USP13: variants seen among roughly 807,000 people sequenced by gnomAD.
USP13 encodes the protein ubiquitin specific peptidase 13, also known as ubiquitin carboxyl-terminal hydrolase 13.
USP13 carries 68 observed loss-of-function variants against 107.8 expected under a neutral mutation model. That is an observed-to-expected ratio of 0.63 (90% CI 0.52 to 0.77). The LOEUF is 0.77. USP13 is among the 30% of genes least tolerant of loss of function. The probability of loss-of-function intolerance (pLI) is 0.00; values close to 1 mark genes in which losing one functional copy is unlikely to be tolerated. For missense variants in USP13, 945 were observed against 1,093.3 expected (o/e 0.86, Z 1.91); for synonymous variants, 377 against 389.5 (o/e 0.97, Z 0.38).
At chr3:179,668,009 A>C (rs898191790) in intron 1 of USP13, among the ~76,000 whole-genome samples, 19 of 152,108 alleles carry the variant, frequency 1.2e-4, no homozygotes, top group African/African-American at 4.6e-4. Context: ...CAGTAAGTTT[A>C]TAGTGTAGTC....
chr3:179,707,601 G>T (rs900899809), intron 5 of USP13, among the ~76,000 whole-genome samples: 1 of 151,998 alleles, frequency 6.6e-6, no homozygotes, highest in African/African-American at 2.4e-5. Flanking sequence ...CACTTCCCTG[G>T]GATCACCTCC....
chr3:179,708,983 G>A (rs1712827607), intron 6 of USP13, 26 bp downstream of exon 6: 1 of 1,607,112 alleles, frequency 6.2e-7, no homozygotes, highest in Admixed American at 1.7e-5. Context: ...CCGACTTTGG[G>A]AACATGCAGT....
intron 3 of USP13, among the ~76,000 whole-genome samples, chr3:179,696,181 C>G (rs1258288315): frequency 2.0e-5 from 3 of 152,096 alleles, no homozygotes; most frequent in Non-Finnish European, 4.4e-5. Context: ...CTGAACACAT[C>G]CCATTAGTGA....
At chr3:179,668,973 G>A (rs1175849737) in intron 1 of USP13, among the ~76,000 whole-genome samples, 4 of 152,124 alleles carry the variant, frequency 2.6e-5, no homozygotes, top group Non-Finnish European at 5.9e-5. Flanking sequence ...TCTTTCATTC[G>A]GACATGGAAG....
chr3:179,659,017 T>C (rs1315400999), intron 1 of USP13, among the ~76,000 whole-genome samples: 3 of 152,198 alleles, frequency 2.0e-5, no homozygotes, highest in Admixed American at 2.0e-4. Flanking sequence ...GGTTGCCCCT[T>C]ACTCCCACCT....
chr3:179,711,795 T>C (rs920312943), intron 6 of USP13, among the ~76,000 whole-genome samples: 1 of 152,224 alleles, frequency 6.6e-6, no homozygotes, highest in Admixed American at 6.5e-5. Context: ...GTTAACTTTT[T>C]TTCGTATATA....
chr3:179,720,510 A>G (rs1366014686), intron 7 of USP13, among the ~76,000 whole-genome samples: 1 of 152,232 alleles, frequency 6.6e-6, no homozygotes, highest in East Asian at 1.9e-4. Flanking sequence ...TTTCAAATTG[A>G]TGTCATGACT....
chr3:179,765,773 A>G lies in USP13; in HGVS notation c.2338A>G (p.Met780Val). ...AGAAGACAGTGATTTTGTGATTGAGATGGAGAATAATGCCAATGCAAACAT... is the reference window on the plus strand; with the variant it reads ...AGAAGACAGTGATTTTGTGATTGAGGTGGAGAATAATGCCAATGCAAACAT... ...FEEDSDFVIE[M>V]ENNANANIIS... The change falls in exon 19 of 21, where the codon ATG becomes GTG. Residue 780 changes from methionine to valine, a missense_variant. Physicochemically the swap from Met to Val is conservative, Grantham distance 21. Transcript: ENST00000263966. The G allele has an allele frequency of 6.2e-7, 1 of 1,614,210 alleles. No individual in the cohort carries two copies. The highest frequency in any genetic ancestry group is 8.5e-7 in the Non-Finnish European group (1 of 1,180,048).
At chr3:179,770,869 G>A (rs1411047394) in intron 19 of USP13, among the ~76,000 whole-genome samples, 3 of 152,130 alleles carry the variant, frequency 2.0e-5, no homozygotes, top group Admixed American at 1.3e-4. Flanking sequence ...GCCTCCCAAA[G>A]TGCTGGGATT....
chr3:179,692,636 G>A (rs530593546), intron 3 of USP13, among the ~76,000 whole-genome samples: 3 of 152,260 alleles, frequency 2.0e-5, no homozygotes, highest in East Asian at 1.9e-4. Flanking sequence ...ATTAAGTAAC[G>A]TCAGCAGGTT....
chr3:179,706,969 A>G lies in USP13; in HGVS notation c.513A>G (p.Lys171=). Residue 171 remains lysine (K), a synonymous_variant, in exon 5 of 21, where the codon AAA becomes AAG. Transcript: ENST00000263966. Reference sequence around the variant, plus strand: ...CTTGTGATGCAGTTCTCAGCTCAAAATCTCCATACAGAAAGCAGGACCCAG... The same window carrying G: ...CTTGTGATGCAGTTCTCAGCTCAAAGTCTCCATACAGAAAGCAGGACCCAG... ...TIACDAVLSS[K]SPYRKQDPDT... is the part of the protein sequence containing the mutation. 6.2e-7 allele frequency: 1 copy of G among 1,614,096 alleles called. No individual in the cohort carries two copies. Among genetic ancestry groups the G allele is most frequent in the East Asian group, 2.2e-5 (1 of 44,878 alleles).
At chr3:179,712,768 T>G (rs1712976153) in intron 6 of USP13, among the ~76,000 whole-genome samples, 1 of 152,158 alleles carries the variant, frequency 6.6e-6, no homozygotes, top group African/African-American at 2.4e-5. Flanking sequence ...AAATTTTCAG[T>G]TACCAAGATT....
chr3:179,676,094 G>A (rs771145217), intron 1 of USP13, among the ~76,000 whole-genome samples: 8 of 152,062 alleles, frequency 5.3e-5, no homozygotes, highest in Non-Finnish European at 7.4e-5. Flanking sequence ...GTTTTATAAG[G>A]AGCTTTTCCC....
rs957222585 is a variant in USP13, at chr3:179,785,273, A to G, written c.*1132A>G. The G allele has an allele frequency of 3.3e-4, 50 of 151,840 alleles. No homozygotes were observed. Among genetic ancestry groups the G allele is most frequent in the Admixed American group, 3.1e-3 (47 of 15,262 alleles). The allele number at this position is 151,840 out of a possible 1,614,324, so 9.4% of individuals were successfully genotyped here. ...CATCTCTGCCTTTTTTTGGTGTATC[A>G]CCTTCTGACTTGCCTTCATTGCTTG... On this transcript the variant is annotated 3_prime_UTR_variant, in exon 21 of 21. Transcript: ENST00000263966.
In USP13 at chr3:179,754,824, C is replaced by T. The variant is rs147444783; in HGVS notation, c.1891C>T (p.Pro631Ser). The T allele has an allele frequency of 4.3e-5, 69 of 1,612,358 alleles. No homozygotes were observed. In the South Asian group the frequency reaches 4.9e-4, roughly 11 times the overall value. ...PGEEELPDISPPIVIPDDSKD... is the reference protein window; with the variant it reads ...PGEEELPDISSPIVIPDDSKD... ...AGAGGAAGAACTTCCAGACATCAGC[C>T]CCCCCATAGTCATTCCTGATGACTC... is the stretch of plus-strand genomic sequence containing the variant. The change falls in exon 15 of 21, where the codon CCC (proline) becomes TCC (serine). Residue 631 changes from proline (P) to serine (S), a missense_variant. Transcript: ENST00000263966.
chr3:179,767,935 T>G (rs1264303267), intron 19 of USP13, among the ~76,000 whole-genome samples: 1 of 152,144 alleles, frequency 6.6e-6, no homozygotes, highest in Non-Finnish European at 1.5e-5. Flanking sequence ...AAATAGGAAT[T>G]TCATCACTGA....
chr3:179,679,873 A>G (rs1201662260), intron 1 of USP13, among the ~76,000 whole-genome samples: 1 of 150,758 alleles, frequency 6.6e-6, no homozygotes, highest in Non-Finnish European at 1.5e-5. Context: ...TTAGCATTAG[A>G]AATAATATAC....
At chr3:179,655,757 T>C (rs148839485) in intron 1 of USP13, among the ~76,000 whole-genome samples, 10 of 152,036 alleles carry the variant, frequency 6.6e-5, no homozygotes, top group Non-Finnish European at 7.4e-5. Flanking sequence ...TTCGCCATGT[T>C]GGTTAGGCTG....
chr3:179,700,883 T>C (rs1712491519), intron 3 of USP13, 125 bp from the exon 4 acceptor site: 4 of 1,194,306 alleles, frequency 3.3e-6, no homozygotes, highest in East Asian at 2.6e-5. Context: ...GAGGAGAAAG[T>C]TGTAAATGTC....
Sources: gnomAD v4.1 joint callset for allele counts (sites outside exome capture counted in the v4.1 genomes callset) on GRCh38, gnomAD v4.1.1 for gene constraint, MANE v1.5 for transcripts, NCBI Gene and HGNC (gene_info 2026-07-23, HGNC 2026-07-21) for gene names.